The following MRC1 variants were observed in gnomAD, a reference collection of about 807,000 sequenced individuals.
MRC1 encodes macrophage mannose receptor 1.
Under a neutral mutation model 102.9 loss-of-function variants are expected in MRC1, and 62 were observed. The ratio of observed to expected loss-of-function variants is 0.60; its 90% CI spans 0.49 to 0.74. The LOEUF is 0.74. Among genes scored for constraint, MRC1 ranks in the 30% least tolerant of loss-of-function variants. The pLI, the probability that MRC1 is intolerant of heterozygous loss-of-function variation, is 0.00. For synonymous variants in MRC1, 457 were observed against 298.4 expected, an observed-to-expected ratio of 1.53 and a Z score of -5.48; for missense variants, 1,237 against 862.8, an observed-to-expected ratio of 1.43 and a Z score of -5.43.
chr10:17,857,747 T>C (rs1225082569), intron 9 of MRC1, among the ~76,000 whole-genome samples: 1 of 152,234 alleles, frequency 6.6e-6, no homozygotes, highest in Non-Finnish European at 1.5e-5. Context: ...ATGCAATTTT[T>C]TTCTGCCTGG....
chr10:17,854,477 T>A (rs1215111884), intron 8 of MRC1, among the ~76,000 whole-genome samples: 3 of 150,862 alleles, frequency 2.0e-5, no homozygotes, highest in Admixed American at 2.0e-4. Flanking sequence ...TTGGAGGAGG[T>A]GAAAGGTCAG....
chr10:17,888,732 A>G (rs1833634723), intron 22 of MRC1, among the ~76,000 whole-genome samples: 1 of 152,198 alleles, frequency 6.6e-6, no homozygotes, highest in Non-Finnish European at 1.5e-5. Flanking sequence ...AAGAATGTAT[A>G]TTCTACTATT....
chr10:17,899,161 G>A (rs1488835013), intron 24 of MRC1, among the ~76,000 whole-genome samples: 1 of 151,940 alleles, frequency 6.6e-6, no homozygotes, highest in Non-Finnish European at 1.5e-5. Flanking sequence ...ATGTTATGAA[G>A]CTTCCAAGGC....
intron 9 of MRC1, among the ~76,000 whole-genome samples, chr10:17,857,095 C>T (rs1006774998): frequency 0.017 from 2,576 of 152,142 alleles, 65 homozygotes; most frequent in African/African-American, 0.059. Context: ...TCTTATAACA[C>T]GTACCAGAAA....
intron 12 of MRC1, among the ~76,000 whole-genome samples, chr10:17,869,050 A>G (rs1833318640): frequency 6.6e-6 from 1 of 152,074 alleles, no homozygotes; most frequent in East Asian, 1.9e-4. Context: ...CAGCAGTTTT[A>G]CCCAGAGCAG....
chr10:17,897,832 T>G (rs1833776439), intron 23 of MRC1, among the ~76,000 whole-genome samples: 1 of 152,228 alleles, frequency 6.6e-6, no homozygotes, highest in South Asian at 2.1e-4. Context: ...TAGTTTGGAA[T>G]TAATTTAATT....
chr10:17,835,446 G>T (rs1838648355), intron 4 of MRC1, among the ~76,000 whole-genome samples: 1 of 152,142 alleles, frequency 6.6e-6, no homozygotes, highest in South Asian at 2.1e-4. Context: ...AGTCCAATGG[G>T]AAGAAACAGA....
chr10:17,814,136 A>T (rs1838270153), intron 1 of MRC1, among the ~76,000 whole-genome samples: 2 of 152,160 alleles, frequency 1.3e-5, no homozygotes, highest in Non-Finnish European at 2.9e-5. Context: ...ACCTTTCCCT[A>T]TGTGAGAAAG....
rs1045766635 is a variant in MRC1, at chr10:17,888,999, G to T, written c.3147+3564G>T. Among the ~76,000 whole-genome samples the T allele has an allele frequency of 7.4e-4, 113 of 152,190 alleles. 1 individual carries two copies. The East Asian group carries it at 0.013, about 18-fold the overall frequency. ...GTTATGTCTTGGTGGAGAATTGTCC[G>T]CTAGATCATTACGTAATGTTCCTCT... On this transcript the variant is annotated intron_variant, in intron 22 of 29. Transcript: ENST00000569591.
intron 9 of MRC1, among the ~76,000 whole-genome samples, chr10:17,858,318 G>T (rs938603021): frequency 5.3e-5 from 8 of 152,094 alleles, no homozygotes; most frequent in Admixed American, 2.6e-4. Flanking sequence ...CTTCAGTTTT[G>T]AAGTGGATAT....
chr10:17,890,822 T>G (rs1168851448), intron 22 of MRC1, among the ~76,000 whole-genome samples: 2 of 152,144 alleles, frequency 1.3e-5, no homozygotes, highest in African/African-American at 4.8e-5. Flanking sequence ...GAACTGAGCC[T>G]CACAGCAGGA....
At chr10:17,823,550 C>G (rs1224936595) in intron 2 of MRC1, 75 bp downstream of exon 2, 17 of 775,460 alleles carry the variant, frequency 2.2e-5, no homozygotes, top group Non-Finnish European at 3.8e-5. Context: ...TCAAGAAAAT[C>G]ATCATGTTCT....
At chr10:17,857,271 A>G (rs1364317019) in intron 9 of MRC1, among the ~76,000 whole-genome samples, 2 of 152,208 alleles carry the variant, frequency 1.3e-5, no homozygotes, top group Admixed American at 1.3e-4. Flanking sequence ...TTTCTGATAG[A>G]AACAGAGGCA....
At chr10:17,906,157 C>T (rs1833891993) in intron 26 of MRC1, among the ~76,000 whole-genome samples, 1 of 151,934 alleles carries the variant, frequency 6.6e-6, no homozygotes, top group Non-Finnish European at 1.5e-5. Context: ...AAGAATCTAA[C>T]TGTTATGTAT....
At chr10:17,839,381 GT>G (rs1160683337) in intron 4 of MRC1, among the ~76,000 whole-genome samples, 1 of 152,094 alleles carries the variant, frequency 6.6e-6, no homozygotes, top group Non-Finnish European at 1.5e-5. Flanking sequence ...GAGTAAATTG[GT>G]TTTGGGAATA....
Position 17,866,824 on chromosome 10 carries a change from T to G in MRC1, c.1983+63T>G, listed in dbSNP as rs1432108700. On this transcript the variant is annotated intron_variant, in intron 12 of 29. Coordinates refer to ENST00000569591, the MANE Select transcript of MRC1 (RefSeq NM_002438.4). ...GTATGCTTCAGCCTAAAGAATCATCTAAGGACATAGAAAACAAACAAAAAC... is the reference window on the plus strand; with the variant it reads ...GTATGCTTCAGCCTAAAGAATCATCGAAGGACATAGAAAACAAACAAAAAC... The G allele has an allele frequency of 2.4e-5, 19 of 779,840 alleles. No individual in the cohort carries two copies. In the East Asian group the frequency reaches 4.6e-4, roughly 19 times the overall value. The allele number at this position is 779,840 out of a possible 1,614,324, so 48.3% of individuals were successfully genotyped here.
chr10:17,813,700 A>ATTTT (rs1168166887), intron 1 of MRC1, among the ~76,000 whole-genome samples: 10 of 125,706 alleles, frequency 8.0e-5, no homozygotes, highest in African/African-American at 3.4e-4. Flanking sequence ...ATATATATAT[A>ATTTT]TTTTTTTTTT....
chr10:17,849,303 T>TA (rs71393044), intron 6 of MRC1, among the ~76,000 whole-genome samples: 105,908 of 135,160 alleles, frequency 0.78, 41,495 homozygotes, highest in East Asian at 0.96. Flanking sequence ...CCTTGTCTCT[T>TA]AAAAAAAAAA....
chr10:17,863,214 G>C (rs1402200492), intron 10 of MRC1, among the ~76,000 whole-genome samples: 1 of 152,134 alleles, frequency 6.6e-6, no homozygotes. Context: ...AAATGCATTA[G>C]TTTTCTTCTT....
Sources: allele counts gnomAD v4.1 joint callset (sites outside exome capture counted in the v4.1 genomes callset), GRCh38; gene constraint gnomAD v4.1.1; transcripts MANE v1.5; gene names NCBI Gene and HGNC (gene_info 2026-07-23, HGNC 2026-07-21).